Variants in IL1RAPL2 observed in about 807,000 individuals in gnomAD.
The protein encoded by IL1RAPL2 is X-linked interleukin-1 receptor accessory protein-like 2.
A neutral mutation model predicts 44.1 loss-of-function variants in IL1RAPL2; 3 were observed. The observed-to-expected ratio is 0.07, with a 90% confidence interval of 0.03 to 0.18. The LOEUF (loss-of-function observed/expected upper bound fraction) is 0.18, where lower values mean the gene tolerates loss of function less well. IL1RAPL2 is among the 10% of genes least tolerant of loss of function. The pLI, the probability that IL1RAPL2 is intolerant of heterozygous loss-of-function variation, is 1.00. For missense variants in IL1RAPL2, 391 were observed against 496.4 expected, an observed-to-expected ratio of 0.79 and a Z score of 2.02; for synonymous variants, 181 against 178.8, an observed-to-expected ratio of 1.01 and a Z score of -0.10.
intron 6 of IL1RAPL2, among the ~76,000 whole-genome samples, chrX:105,660,485 A>G (rs1485603686): frequency 2.7e-5 from 3 of 111,526 alleles, no homozygotes; most frequent in Non-Finnish European, 5.7e-5. Flanking sequence ...GAATATTACA[A>G]TGCTGGAATT....
intron 1 of IL1RAPL2, among the ~76,000 whole-genome samples, chrX:104,637,874 G>T (rs1442936245): frequency 9.1e-6 from 1 of 109,652 alleles, no homozygotes; most frequent in Admixed American, 9.8e-5. Context: ...AGTAATGCTG[G>T]CCTTGTGGAA....
At chrX:105,552,045 G>A (rs1425986561) in intron 6 of IL1RAPL2, among the ~76,000 whole-genome samples, 1 of 107,856 alleles carries the variant, frequency 9.3e-6, no homozygotes, top group African/African-American at 3.4e-5. Context: ...GGCGGAGCTT[G>A]TAGTGAGCCG....
At chrX:104,588,492 A>C (rs186324800) in intron 1 of IL1RAPL2, among the ~76,000 whole-genome samples, 420 of 111,695 alleles carry the variant, frequency 3.8e-3, no homozygotes, top group African/African-American at 0.013. Flanking sequence ...CTCCAGTCTT[A>C]AACTTACTTC....
intron 5 of IL1RAPL2, among the ~76,000 whole-genome samples, chrX:105,301,353 A>T (rs986456764): frequency 8.9e-6 from 1 of 111,821 alleles, no homozygotes; most frequent in Non-Finnish European, 1.9e-5. Flanking sequence ...TAATAACCAC[A>T]TCATGGGAAA....
At chrX:105,059,559 C>T (rs2032045152) in intron 2 of IL1RAPL2, among the ~76,000 whole-genome samples, 1 of 111,371 alleles carries the variant, frequency 9.0e-6, no homozygotes, top group Admixed American at 9.5e-5. Flanking sequence ...GAGATGGAGT[C>T]TCACTGTGTT....
intron 4 of IL1RAPL2, among the ~76,000 whole-genome samples, chrX:105,243,486 T>C (rs2034188988): frequency 9.4e-6 from 1 of 106,917 alleles, no homozygotes; most frequent in South Asian, 4.1e-4. Flanking sequence ...ATACAAATGG[T>C]AAGTTTCTAA....
At chrX:105,475,963 A>C (rs2147772623) in intron 5 of IL1RAPL2, among the ~76,000 whole-genome samples, 1 of 112,358 alleles carries the variant, frequency 8.9e-6, no homozygotes, top group Admixed American at 9.4e-5. Flanking sequence ...ACTCAGGGCA[A>C]CTTCACAGCA....
At position 104,903,108 on chromosome X, in the gene IL1RAPL2, A is replaced by G. The variant is rs1923865954; in HGVS notation, c.82+244113A>G. Among the ~76,000 whole-genome samples, 3 of 111,947 alleles carry G rather than the reference A, an allele frequency of 2.7e-5. No homozygotes were observed. In the Admixed American group the frequency reaches 2.9e-4, roughly 11 times the overall value. On this transcript the variant is annotated intron_variant, in intron 2 of 10. Coordinates refer to ENST00000372582, the MANE Select transcript of IL1RAPL2 (RefSeq NM_017416.2). ...GGGCATTAAATGTTGATGATATTCAATACAATAGCCAAAACCTTTTTATTC... is the reference window on the plus strand; with the variant it reads ...GGGCATTAAATGTTGATGATATTCAGTACAATAGCCAAAACCTTTTTATTC...
chrX:104,626,721 C>G lies in IL1RAPL2; in HGVS notation c.-19-32174C>G, dbSNP rs374213781. On this transcript the variant is annotated intron_variant, in intron 1 of 10. Transcript: ENST00000372582. ...TTAATTGCAGATGACATATCAGTTT[C>G]TACCAGTTTGTTGTTATATAGGTAA... Among the ~76,000 whole-genome samples the G allele has an allele frequency of 5.4e-5, 6 of 110,545 alleles. No homozygotes were observed. In the East Asian group the frequency reaches 1.7e-3, roughly 31 times the overall value.
rs761846564 is a variant in IL1RAPL2 at position 105,086,728 on chromosome X, G to A, written c.83-108747G>A. Reference sequence around the variant, plus strand: ...TATGTGTGTGTGTGTGTGTGTGTGTGTATATAATCAGATTGTACCCCATAA... The same window carrying A: ...TATGTGTGTGTGTGTGTGTGTGTGTATATATAATCAGATTGTACCCCATAA... On this transcript the variant is annotated intron_variant, in intron 2 of 10. Coordinates refer to ENST00000372582, the MANE Select transcript of IL1RAPL2 (RefSeq NM_017416.2). Among the ~76,000 whole-genome samples the A allele has an allele frequency of 4.6e-4, 45 of 97,072 alleles. No homozygotes were observed. The Middle Eastern group carries it at 0.027, about 58-fold the overall frequency. 84.3% of individuals were successfully genotyped at this position (97,072 alleles called of 115,157 possible).
At chrX:105,249,653 G>A (rs1391072240) in intron 4 of IL1RAPL2, among the ~76,000 whole-genome samples, 1 of 110,275 alleles carries the variant, frequency 9.1e-6, no homozygotes, top group Non-Finnish European at 1.9e-5. Flanking sequence ...ATACCATTGA[G>A]GTACTATTAT....
rs1201458481 is a variant in IL1RAPL2, at chrX:105,473,295, A to G, written c.698-11018A>G. Among the ~76,000 whole-genome samples, 4 of 111,736 alleles carry G rather than the reference A, an allele frequency of 3.6e-5. No homozygotes were observed. In the South Asian group the frequency reaches 1.5e-3, roughly 41 times the overall value. ...CATTTGGCTTGTTGTCATGTAAACA[A>G]ATAGGTTACTCACAATCATGGAAAG... On this transcript the variant is annotated intron_variant, in intron 5 of 10. Coordinates refer to ENST00000372582, the MANE Select transcript of IL1RAPL2 (RefSeq NM_017416.2).
chrX:105,115,555 C>T (rs2032847075), intron 2 of IL1RAPL2, among the ~76,000 whole-genome samples: 1 of 112,209 alleles, frequency 8.9e-6, no homozygotes. Context: ...CTGAGCTAGA[C>T]ACAGAGTGCT....
chrX:105,180,957 G>C (rs781906191), intron 2 of IL1RAPL2, among the ~76,000 whole-genome samples: 1 of 111,755 alleles, frequency 8.9e-6, no homozygotes, highest in Non-Finnish European at 1.9e-5. Context: ...AAATCTATCT[G>C]TTCCTGGGGT....
chrX:104,605,683 A>G (rs1314336596), intron 1 of IL1RAPL2, among the ~76,000 whole-genome samples: 2 of 112,401 alleles, frequency 1.8e-5, no homozygotes, highest in Admixed American at 9.4e-5. Flanking sequence ...AGAGAATACT[A>G]TAAACACCTC....
chrX:105,071,052 GTTTAAA>G (rs1042147980), intron 2 of IL1RAPL2, among the ~76,000 whole-genome samples: 1 of 111,352 alleles, frequency 9.0e-6, no homozygotes, highest in African/African-American at 3.3e-5. Context: ...ATTCAAATTT[GTTTAAA>G]TTTAAGTTTT....
intron 4 of IL1RAPL2, among the ~76,000 whole-genome samples, chrX:105,249,893 C>A (rs182482865): frequency 8.9e-6 from 1 of 111,802 alleles, no homozygotes; most frequent in East Asian, 2.8e-4. Context: ...CACACAAAAA[C>A]CTACACACAA....
intron 6 of IL1RAPL2, among the ~76,000 whole-genome samples, chrX:105,697,066 G>A (rs367798603): frequency 2.7e-5 from 3 of 109,600 alleles, no homozygotes; most frequent in Non-Finnish European, 3.8e-5. Context: ...TGAGAAAAAG[G>A]GGGGGAAATG....
At chrX:105,214,745 A>G (rs974539088) in intron 3 of IL1RAPL2, among the ~76,000 whole-genome samples, 2 of 112,126 alleles carry the variant, frequency 1.8e-5, no homozygotes, top group Admixed American at 1.9e-4. Context: ...TCCCTAGCAA[A>G]TGCAAAAGAA....
Sources: allele counts gnomAD v4.1 joint callset (sites outside exome capture counted in the v4.1 genomes callset), GRCh38; gene constraint gnomAD v4.1.1; transcripts MANE v1.5; gene names NCBI Gene and HGNC (gene_info 2026-07-23, HGNC 2026-07-21).